The following SNRNP40 variants were observed in gnomAD, a reference collection of about 807,000 sequenced individuals.
SNRNP40 encodes the protein U5 small nuclear ribonucleoprotein 40 kDa protein.
A neutral mutation model predicts 45.8 loss-of-function variants in SNRNP40; 21 were observed. That is an observed-to-expected ratio of 0.46 (90% CI 0.32 to 0.66). SNRNP40 has a LOEUF of 0.66. Among genes scored for constraint, SNRNP40 ranks in the 30% least tolerant of loss-of-function variants. The pLI is 0.03. For missense variants in SNRNP40, 344 were observed against 439.1 expected (o/e 0.78, Z 1.94); for synonymous variants, 142 against 163.8 (o/e 0.87, Z 1.01).
intron 5 of SNRNP40, 23 bp from the exon 6 acceptor site, chr1:31,271,522 C>T: frequency 1.3e-6 from 2 of 1,590,116 alleles, no homozygotes; most frequent in Non-Finnish European, 1.7e-6. Flanking sequence ...AAAGGTGCCC[C>T]CAGAAATCAA....
intron 5 of SNRNP40, among the ~76,000 whole-genome samples, chr1:31,272,997 C>T (rs1645948966): frequency 6.6e-6 from 1 of 152,120 alleles, no homozygotes; most frequent in African/African-American, 2.4e-5. Flanking sequence ...TTTTCCTTAT[C>T]TAGAAATGAG....
chr1:31,283,104 G>A (rs1019553900), intron 4 of SNRNP40, among the ~76,000 whole-genome samples: 3 of 152,190 alleles, frequency 2.0e-5, no homozygotes, highest in Admixed American at 6.5e-5. Flanking sequence ...GCTAAGGAGA[G>A]ATGTAAACTG....
At chr1:31,263,980 T>A (rs1456270610) in intron 8 of SNRNP40, among the ~76,000 whole-genome samples, 1 of 150,806 alleles carries the variant, frequency 6.6e-6, no homozygotes. Flanking sequence ...AAGGGTAAAG[T>A]ATAGAGCTAT....
At position 31,296,693 on chromosome 1, in the gene SNRNP40, T is replaced by C; in HGVS notation, c.59A>G (p.Gln20Arg). 1 of 1,613,948 alleles carries C rather than the reference T, an allele frequency of 6.2e-7. No homozygotes were observed. Reference protein sequence around the residue: ...PELPLVPVKRQRHELLLGAGS... With the variant: ...PELPLVPVKRRRHELLLGAGS... ...CGCTCCCAACAGCAACTCATGCCGC[T>C]GCCGCTTGACTGGAACCAGCGGCAA... is the stretch of plus-strand genomic sequence containing the variant. Residue 20 changes from glutamine to arginine, a missense_variant, in exon 1 of 10, where the codon CAG (glutamine) becomes CGG (arginine). Gln to Arg is a conservative substitution (Grantham distance 43). Around this residue, in one of 2 missense-constraint regions of SNRNP40, gnomAD observed 90 missense variants for 58.9 expected, o/e 1.53. Transcript: ENST00000263694.
intron 4 of SNRNP40, chr1:31,282,466 G>GCTAGCTAT (rs746657896): frequency 3.6e-4 from 43 of 119,106 alleles, no homozygotes; most frequent in Non-Finnish European, 6.4e-4. Context: ...CATATTCCTG[G>GCTAGCTAT]CTATCTATCT....
intron 5 of SNRNP40, among the ~76,000 whole-genome samples, chr1:31,279,696 A>G (rs1188660152): frequency 1.3e-5 from 2 of 151,118 alleles, no homozygotes; most frequent in African/African-American, 4.9e-5. Context: ...GCAGTGAGCC[A>G]AGATCACGCC....
At chr1:31,277,552 T>C (rs1244999265) in intron 5 of SNRNP40, among the ~76,000 whole-genome samples, 1 of 152,156 alleles carries the variant, frequency 6.6e-6, no homozygotes, top group African/African-American at 2.4e-5. Context: ...GATTTTTTGT[T>C]TAGAAAAGAG....
At chr1:31,280,680 G>C (rs199836988) in intron 5 of SNRNP40, among the ~76,000 whole-genome samples, 1 of 152,134 alleles carries the variant, frequency 6.6e-6, no homozygotes, top group East Asian at 1.9e-4. Flanking sequence ...TACATTTCCT[G>C]GCACTTGTTA....
At chr1:31,262,863 G>A (rs1348995616) in intron 8 of SNRNP40, among the ~76,000 whole-genome samples, 1 of 152,004 alleles carries the variant, frequency 6.6e-6, no homozygotes, top group Non-Finnish European at 1.5e-5. Flanking sequence ...TTAGCCAGGT[G>A]TAGTGGTGCA....
chr1:31,291,407 T>C (rs775436810), intron 3 of SNRNP40, among the ~76,000 whole-genome samples: 42 of 152,136 alleles, frequency 2.8e-4, no homozygotes, highest in Admixed American at 1.6e-3. Context: ...AATAGCTGAT[T>C]TCAGGCCAGG....
chr1:31,277,931 G>C (rs1257005823), intron 5 of SNRNP40, among the ~76,000 whole-genome samples: 1 of 152,250 alleles, frequency 6.6e-6, no homozygotes, highest in Admixed American at 6.5e-5. Context: ...CTGACCTTAA[G>C]TGATCCGCCT....
chr1:31,292,049 T>C, intron 2 of SNRNP40, 43 bp from the exon 3 acceptor site: 1 of 1,288,226 alleles, frequency 7.8e-7, no homozygotes, highest in Non-Finnish European at 1.1e-6. Context: ...AGGCAAAGGG[T>C]ACTTATAAAT....
At chr1:31,293,445 A>C (rs1378367568) in intron 1 of SNRNP40, 97 bp from the exon 2 acceptor site, 2 of 1,229,322 alleles carry the variant, frequency 1.6e-6, no homozygotes, top group Non-Finnish European at 2.2e-6. Flanking sequence ...CAAGAAAACA[A>C]TGATTAAGTG....
At chr1:31,279,350 T>C (rs989393600) in intron 5 of SNRNP40, among the ~76,000 whole-genome samples, 6 of 152,232 alleles carry the variant, frequency 3.9e-5, no homozygotes, top group African/African-American at 1.4e-4. Context: ...AAAGCTTAAA[T>C]GAATTAATGA....
rs190586196 is a variant in SNRNP40, at chr1:31,292,170, G to A, written c.272-164C>T. 4.7e-4 allele frequency among the ~76,000 whole-genome samples: 72 copies of A among 152,216 alleles called. 1 individual carries two copies. The East Asian group carries it at 0.013, about 27-fold the overall frequency. On this transcript the variant is annotated intron_variant, in intron 2 of 9. Coordinates refer to ENST00000263694, the MANE Select transcript of SNRNP40 (RefSeq NM_004814.3). The stretch of plus-strand genomic sequence containing the variant: ...TTGAGGTCAGGAGTTCGAGACCAGC[G>A]TGGCTGATACGGCGAAACCCCATCT...
rs199782173 is a variant in SNRNP40 at position 31,282,673 on chromosome 1, C to CTCTATCTATCTA, written c.532-1189_532-1178dup. Among the ~76,000 whole-genome samples, 15 of 150,920 alleles carry CTCTATCTATCTA rather than the reference C, an allele frequency of 9.9e-5. No individual in the cohort carries two copies. The East Asian group carries it at 2.9e-3, about 30-fold the overall frequency. ...CTATGTGTCTATCTATCTATCTAAT[C>CTCTATCTATCTA]TCTATCTATCTATCTATCTAGGGAC... On this transcript the variant is annotated intron_variant, in intron 4 of 9. Transcript: ENST00000263694.
chr1:31,291,775 C>T (rs1382073460), intron 3 of SNRNP40, 138 bp downstream of exon 3: 1 of 623,724 alleles, frequency 1.6e-6, no homozygotes. Flanking sequence ...CTTGGGGTGA[C>T]AGTGATAAAT....
intron 4 of SNRNP40, among the ~76,000 whole-genome samples, chr1:31,286,932 T>C (rs1197374928): frequency 6.6e-6 from 1 of 152,196 alleles, no homozygotes; most frequent in Non-Finnish European, 1.5e-5. Context: ...GAAATTTATA[T>C]ATATATGAGT....
At chr1:31,274,306 G>A (rs1043061046) in intron 5 of SNRNP40, among the ~76,000 whole-genome samples, 8 of 152,004 alleles carry the variant, frequency 5.3e-5, no homozygotes, top group Admixed American at 1.3e-4. Context: ...GTGCAATCTC[G>A]GCTCACTGCA....
Sources: gnomAD v4.1 joint callset for allele counts (sites outside exome capture counted in the v4.1 genomes callset) on GRCh38, gnomAD v4.1.1 for gene constraint, gnomAD v4.1.1 regional missense constraint, MANE v1.5 for transcripts, NCBI Gene and HGNC (gene_info 2026-07-23, HGNC 2026-07-21) for gene names.